The following SOX5 variants were observed in gnomAD, a reference collection of about 807,000 sequenced individuals.
The protein encoded by SOX5 is SRY-box transcription factor 5.
SOX5 carries 9 observed loss-of-function variants against 92.0 expected under a neutral mutation model. The observed-to-expected ratio is 0.10, with a 90% CI of 0.06 to 0.17. The LOEUF is 0.17. Among genes scored for constraint, SOX5 ranks in the 10% least tolerant of loss-of-function variants. The probability of loss-of-function intolerance (pLI) is 1.00; values close to 1 mark genes in which losing one functional copy is unlikely to be tolerated. For missense variants in SOX5, 642 were observed against 944.5 expected (o/e 0.68, Z 4.20); for synonymous variants, 344 against 336.3 (o/e 1.02, Z -0.25).
intron 1 of SOX5, among the ~76,000 whole-genome samples, chr12:24,509,532 T>C (rs1398052077): frequency 1.3e-5 from 2 of 152,118 alleles, no homozygotes; most frequent in Admixed American, 1.3e-4. Context: ...TAAGATATAC[T>C]AATAAAGGAG....
At chr12:24,282,043 G>T (rs535397024) in intron 2 of SOX5, among the ~76,000 whole-genome samples, 5 of 152,116 alleles carry the variant, frequency 3.3e-5, no homozygotes, top group African/African-American at 1.2e-4. Context: ...GAGATTCAAA[G>T]AATTTTAAAA....
chr12:23,578,117 CAAAAAAAAAAAAAAAAAAAA>C (rs1163938652), intron 9 of SOX5, among the ~76,000 whole-genome samples: 1 of 34,884 alleles, frequency 2.9e-5, no homozygotes, highest in South Asian at 1.4e-3. Flanking sequence ...GAGACTGTGT[CAAAAAAAAAAAAAAAAAAAA>C]AAAAAAAAAA....
intron 4 of SOX5, among the ~76,000 whole-genome samples, chr12:23,744,104 C>T (rs2093899205): frequency 1.3e-5 from 2 of 152,144 alleles, no homozygotes; most frequent in African/African-American, 2.4e-5. Flanking sequence ...TGATTTCATT[C>T]TATTTCAACT....
intron 4 of SOX5, among the ~76,000 whole-genome samples, chr12:24,081,636 C>T (rs1943340452): frequency 6.6e-6 from 1 of 151,902 alleles, no homozygotes; most frequent in Admixed American, 6.6e-5. Context: ...ATTTCAGAGC[C>T]TTTTGTTTCA....
chr12:24,103,672 T>C lies in SOX5; in HGVS notation c.-2+109671A>G, dbSNP rs73275500. Among the ~76,000 whole-genome samples, 1,195 of 152,352 alleles carry C rather than the reference T, an allele frequency of 7.8e-3. 14 individuals carry two copies. The highest frequency in any genetic ancestry group is 0.027 in the African/African-American group (1,138 of 41,576). ...AAAATAATAAAGTATAAAAGCTTTA[T>C]AAAATTGTTTAACCTATGAAAGAAT... On this transcript the variant is annotated intron_variant, in intron 4 of 4. Coordinates refer to the SOX5 transcript ENST00000446891.
intron 1 of SOX5, among the ~76,000 whole-genome samples, chr12:24,425,021 G>T (rs147275853): frequency 6.6e-6 from 1 of 152,046 alleles, no homozygotes; most frequent in African/African-American, 2.4e-5. Context: ...AATGAAATAG[G>T]GGGGAGAGAG....
At chr12:24,428,492 C>A (rs1397522823) in intron 1 of SOX5, among the ~76,000 whole-genome samples, 1 of 151,982 alleles carries the variant, frequency 6.6e-6, no homozygotes, top group African/African-American at 2.4e-5. Context: ...GCTAATTTGG[C>A]CAGATGCGGT....
chr12:23,859,624 T>C (rs2096732171), intron 2 of SOX5, among the ~76,000 whole-genome samples: 1 of 152,176 alleles, frequency 6.6e-6, no homozygotes, highest in South Asian at 2.1e-4. Flanking sequence ...CTCTGAAGCA[T>C]GTGATCCCTG....
intron 3 of SOX5, among the ~76,000 whole-genome samples, chr12:23,804,916 TATATATATATATATATATATATATATATA>T (rs1305666314): frequency 6.1e-4 from 2 of 3,304 alleles, no homozygotes; most frequent in African/African-American, 1.0e-3. Context: ...ATCATTGTTT[TATATATATATATATATATATATATATATA>T]TATATATATA....
chr12:23,911,724 T>C (rs1379889748), intron 1 of SOX5, among the ~76,000 whole-genome samples: 1 of 152,154 alleles, frequency 6.6e-6, no homozygotes, highest in Non-Finnish European at 1.5e-5. Flanking sequence ...TGACTCCCAC[T>C]AATTATGCAT....
At chr12:24,313,993 C>G (rs547653580) in intron 2 of SOX5, among the ~76,000 whole-genome samples, 1 of 152,316 alleles carries the variant, frequency 6.6e-6, no homozygotes, top group African/African-American at 2.4e-5. Flanking sequence ...ACTCAGTCTT[C>G]ATCTTGATCA....
chr12:23,816,250 C>T (rs894806080), intron 3 of SOX5, among the ~76,000 whole-genome samples: 2 of 150,386 alleles, frequency 1.3e-5, no homozygotes, highest in East Asian at 3.9e-4. Flanking sequence ...CGGTCTGTCG[C>T]CCAGGCTGGA....
At chr12:23,659,088 A>G (rs1487159438) in intron 7 of SOX5, among the ~76,000 whole-genome samples, 2 of 152,124 alleles carry the variant, frequency 1.3e-5, no homozygotes, top group Non-Finnish European at 2.9e-5. Flanking sequence ...TTTAGCACTC[A>G]TCACCAATAA....
At chr12:23,972,531 G>A (rs993200572) in intron 4 of SOX5, among the ~76,000 whole-genome samples, 3 of 150,898 alleles carry the variant, frequency 2.0e-5, no homozygotes, top group African/African-American at 7.3e-5. Context: ...CTAATTTTTT[G>A]TATTTTCAGT....
At chr12:23,961,793 A>G (rs1946973654) in intron 4 of SOX5, among the ~76,000 whole-genome samples, 1 of 152,240 alleles carries the variant, frequency 6.6e-6, no homozygotes, top group Non-Finnish European at 1.5e-5. Context: ...AGAAGACTTC[A>G]GGACCCTATT....
At chr12:23,879,235 T>C (rs969397815) in intron 2 of SOX5, among the ~76,000 whole-genome samples, 2 of 152,108 alleles carry the variant, frequency 1.3e-5, no homozygotes, top group Admixed American at 1.3e-4. Flanking sequence ...CTGAAAGAAT[T>C]AATTCAGTGC....
intron 1 of SOX5, among the ~76,000 whole-genome samples, chr12:24,547,924 A>C (rs996373066): frequency 8.5e-5 from 13 of 152,346 alleles, no homozygotes; most frequent in African/African-American, 2.4e-4. Flanking sequence ...ACAAATATTC[A>C]CTGAGTTACA....
intron 1 of SOX5, among the ~76,000 whole-genome samples, chr12:24,374,836 T>C (rs1262568374): frequency 6.6e-6 from 1 of 152,316 alleles, no homozygotes; most frequent in East Asian, 1.9e-4. Flanking sequence ...ATGGTTTCTT[T>C]AGTTGGGACA....
intron 1 of SOX5, among the ~76,000 whole-genome samples, chr12:24,412,489 T>C (rs1964282248): frequency 6.6e-6 from 1 of 152,130 alleles, no homozygotes; most frequent in Non-Finnish European, 1.5e-5. Context: ...ATTTTTATTG[T>C]CATTCAGTTC....
Sources: allele counts gnomAD v4.1 joint callset (sites outside exome capture counted in the v4.1 genomes callset), GRCh38; gene constraint gnomAD v4.1.1; transcripts MANE v1.5; gene names NCBI Gene and HGNC (gene_info 2026-07-23, HGNC 2026-07-21).